The following ABTB2 variants were observed in gnomAD, a reference collection of about 807,000 sequenced individuals.
The protein encoded by ABTB2 is ankyrin repeat and BTB/POZ domain-containing protein 2.
ABTB2 carries 56 observed loss-of-function variants against 104.1 expected under a neutral mutation model. The observed-to-expected ratio is 0.54, with a 90% CI of 0.43 to 0.67. The LOEUF is 0.67. ABTB2 is among the 30% of genes least tolerant of loss of function. The probability of loss-of-function intolerance (pLI) is 0.00; values close to 1 mark genes in which losing one functional copy is unlikely to be tolerated. For missense variants in ABTB2, 1,279 were observed against 1,407.7 expected (o/e 0.91, Z 1.46); for synonymous variants, 606 against 608.2 (o/e 1.00, Z 0.05).
intron 1 of ABTB2, among the ~76,000 whole-genome samples, chr11:34,221,055 C>T (rs1259413612): frequency 2.0e-5 from 3 of 152,054 alleles, no homozygotes; most frequent in Non-Finnish European, 2.9e-5. Flanking sequence ...CTGCAACCTC[C>T]ACCTCCCGGG....
intron 1 of ABTB2, among the ~76,000 whole-genome samples, chr11:34,262,217 T>C (rs190369222): frequency 7.2e-5 from 11 of 152,336 alleles, no homozygotes; most frequent in African/African-American, 1.9e-4. Context: ...CTCTAAGAAA[T>C]GCAAAGACAC....
chr11:34,250,552 C>T (rs981172855), intron 1 of ABTB2, among the ~76,000 whole-genome samples: 9 of 152,134 alleles, frequency 5.9e-5, no homozygotes, highest in Admixed American at 5.2e-4. Context: ...TCAAACAAAC[C>T]CTAGGATAAG....
intron 1 of ABTB2, among the ~76,000 whole-genome samples, chr11:34,326,536 A>G (rs1199180325): frequency 1.3e-5 from 2 of 151,844 alleles, no homozygotes. Context: ...AGGCTGATGT[A>G]TGAAAATCAC....
chr11:34,224,539 A>C (rs1480429319), intron 1 of ABTB2, among the ~76,000 whole-genome samples: 2 of 152,076 alleles, frequency 1.3e-5, no homozygotes, highest in African/African-American at 2.4e-5. Flanking sequence ...CATGGTCTTC[A>C]TAGAGCCTCC....
chr11:34,207,831 A>G (rs1853428622), intron 1 of ABTB2, among the ~76,000 whole-genome samples: 1 of 152,238 alleles, frequency 6.6e-6, no homozygotes, highest in African/African-American at 2.4e-5. Context: ...AGCGCCTAGG[A>G]TATTGGAGAG....
intron 3 of ABTB2, among the ~76,000 whole-genome samples, chr11:34,182,917 C>T (rs10444232): frequency 0.33 from 50,251 of 151,892 alleles, 9,518 homozygotes; most frequent in East Asian, 0.8. Context: ...GTCACTTGCC[C>T]TATGTCATGC....
chr11:34,224,525 C>G (rs1482147282), intron 1 of ABTB2, among the ~76,000 whole-genome samples: 1 of 152,154 alleles, frequency 6.6e-6, no homozygotes, highest in Non-Finnish European at 1.5e-5. Flanking sequence ...AAGTGACTGG[C>G]TGCCATGGTC....
Position 34,357,576 on chromosome 11 carries a change from C to G in ABTB2, c.8G>C (p.Gly3Ala). The change falls in exon 1 of 17, where the codon GGG becomes GCG. Residue 3 changes from glycine to alanine, a missense_variant. By Grantham distance (60) the Gly-to-Ala change is moderately conservative. Coordinates refer to ENST00000435224, the MANE Select transcript of ABTB2 (RefSeq NM_145804.3). The part of the protein sequence containing the change: MA[G>A]TYSSTLKTLE... ...CGTCTTCAGAGTCGAGCTGTACGTCCCGGCCATGGGGAGCCTGCCGAGGGC... is the reference window on the plus strand; with the variant it reads ...CGTCTTCAGAGTCGAGCTGTACGTCGCGGCCATGGGGAGCCTGCCGAGGGC... The G allele has an allele frequency of 6.6e-7, 1 of 1,516,166 alleles. No homozygotes were observed. The highest frequency in any genetic ancestry group is 8.8e-7 in the Non-Finnish European group (1 of 1,132,224). 93.9% of individuals were successfully genotyped at this position (1,516,166 alleles called of 1,614,324 possible). A position where few individuals can be genotyped will look rare whatever the true frequency, so the allele number is the denominator to read the frequency against.
At chr11:34,180,953 G>A (rs186884119) in intron 3 of ABTB2, among the ~76,000 whole-genome samples, 1 of 152,292 alleles carries the variant, frequency 6.6e-6, no homozygotes, top group African/African-American at 2.4e-5. Context: ...CACCCAGGCC[G>A]GAGTGAGGTG....
At chr11:34,285,562 C>G (rs937606524) in intron 1 of ABTB2, among the ~76,000 whole-genome samples, 1 of 152,138 alleles carries the variant, frequency 6.6e-6, no homozygotes, top group African/African-American at 2.4e-5. Flanking sequence ...TACGTGCAAT[C>G]TTAGGGAGGC....
intron 1 of ABTB2, among the ~76,000 whole-genome samples, chr11:34,241,885 A>G (rs1268352228): frequency 6.6e-6 from 1 of 152,254 alleles, no homozygotes. Context: ...AGTTTAAGTC[A>G]GAAACAGGCC....
In ABTB2 at chr11:34,184,238, A is replaced by G. The variant is rs770803035; in HGVS notation, c.1245-10931T>C. Among the ~76,000 whole-genome samples the G allele has an allele frequency of 1.7e-4, 26 of 152,242 alleles. No homozygotes were observed. In the Middle Eastern group the frequency reaches 0.014, roughly 80 times the overall value. ...TGGGTATTGGCAAAGAGTTCTTTTC[A>G]GAAAAAAAAGGAAATAATTCCCCAG... On this transcript the variant is annotated intron_variant, in intron 3 of 16. Transcript: ENST00000435224.
chr11:34,189,979 C>T (rs886764606), intron 3 of ABTB2, among the ~76,000 whole-genome samples: 6 of 152,218 alleles, frequency 3.9e-5, no homozygotes, highest in Admixed American at 3.9e-4. Flanking sequence ...GTGGCTCATG[C>T]CTGTAATCTC....
rs191208291 is a variant in ABTB2 at position 34,305,028 on chromosome 11, C to T, written c.883+51673G>A. On this transcript the variant is annotated intron_variant, in intron 1 of 16. Coordinates refer to ENST00000435224, the MANE Select transcript of ABTB2 (RefSeq NM_145804.3). ...TTGTGCTGACATCCAAGCCTAATAC[C>T]TAAGCAAGGTAATACTCCTCAGAGC... Among the ~76,000 whole-genome samples, 14 of 152,324 alleles carry T rather than the reference C, an allele frequency of 9.2e-5. No homozygotes were observed. In the East Asian group the frequency reaches 2.7e-3, roughly 29 times the overall value.
intron 1 of ABTB2, among the ~76,000 whole-genome samples, chr11:34,313,751 C>A (rs183592662): frequency 1.3e-5 from 2 of 152,214 alleles, no homozygotes; most frequent in Non-Finnish European, 2.9e-5. Context: ...TGCAACTCTA[C>A]GGAGAAACAA....
chr11:34,152,653 ATAC>A, intron 16 of ABTB2, 69 bp from the exon 17 acceptor site: 1 of 1,446,220 alleles, frequency 6.9e-7, no homozygotes, highest in Non-Finnish European at 9.5e-7. Context: ...TCACCCCCAA[ATAC>A]TACCTACCCA....
rs906460432 is a variant in ABTB2 at position 34,218,587 on chromosome 11, C to T, written c.884-13897G>A. Reference sequence around the variant, plus strand: ...ATCTTTGGCTGGGTGCAGTGGCTCACGCCTGTAATCCCACCACTTTGGGAG... The same window carrying T: ...ATCTTTGGCTGGGTGCAGTGGCTCATGCCTGTAATCCCACCACTTTGGGAG... On this transcript the variant is annotated intron_variant, in intron 1 of 16. Transcript: ENST00000435224. 4.6e-5 allele frequency among the ~76,000 whole-genome samples: 7 copies of T among 152,174 alleles called. No homozygotes were observed. The South Asian group carries it at 8.3e-4, about 18-fold the overall frequency.
intron 1 of ABTB2, chr11:34,335,440 A>G (rs1855182579): frequency 2.5e-6 from 2 of 786,282 alleles, no homozygotes; most frequent in Non-Finnish European, 4.5e-6. Flanking sequence ...TCTTCACTCT[A>G]AACAGTCATA....
chr11:34,258,409 T>C (rs983497835), intron 1 of ABTB2, among the ~76,000 whole-genome samples: 5 of 152,142 alleles, frequency 3.3e-5, no homozygotes, highest in Admixed American at 2.0e-4. Flanking sequence ...GTCAAAGATT[T>C]ACAGAGATGG....
Sources: gnomAD v4.1 joint callset for allele counts (sites outside exome capture counted in the v4.1 genomes callset) on GRCh38, gnomAD v4.1.1 for gene constraint, MANE v1.5 for transcripts, NCBI Gene and HGNC (gene_info 2026-07-23, HGNC 2026-07-21) for gene names.